STAM: variants seen among roughly 807,000 people sequenced by gnomAD.
STAM encodes signal transducing adapter molecule 1.
A neutral mutation model predicts 63.4 loss-of-function variants in STAM; 16 were observed. That is an observed-to-expected ratio of 0.25 (90% CI 0.17 to 0.38). STAM has a LOEUF of 0.38. Among genes scored for constraint, STAM ranks in the 10% least tolerant of loss-of-function variants. The pLI, the probability that STAM is intolerant of heterozygous loss-of-function variation, is 1.00. For missense variants in STAM, 636 were observed against 657.1 expected (o/e 0.97, Z 0.35); for synonymous variants, 238 against 223.9 (o/e 1.06, Z -0.56).
chr10:17,658,097 A>C (rs1265319898), intron 1 of STAM, among the ~76,000 whole-genome samples: 1 of 152,090 alleles, frequency 6.6e-6, no homozygotes, highest in African/African-American at 2.4e-5. Context: ...TATGTATTCA[A>C]TGCTATAAAT....
intron 4 of STAM, among the ~76,000 whole-genome samples, chr10:17,685,383 A>G (rs1319590985): frequency 2.0e-5 from 3 of 152,122 alleles, no homozygotes; most frequent in African/African-American, 7.2e-5. Flanking sequence ...TACTGGCTGA[A>G]CCCACAGCTG....
chr10:17,709,854 C>T (rs1215340064), intron 13 of STAM, among the ~76,000 whole-genome samples: 27 of 148,374 alleles, frequency 1.8e-4, no homozygotes, highest in African/African-American at 6.0e-4. Context: ...TCTAGTATCC[C>T]GAAGTGACCT....
intron 1 of STAM, 53 bp downstream of exon 1, chr10:17,644,432 C>T: frequency 2.5e-6 from 4 of 1,605,424 alleles, no homozygotes; most frequent in Non-Finnish European, 3.4e-6. Flanking sequence ...CACGCTCACT[C>T]TGCCAGCCCC....
rs144845489 is a variant in STAM, at chr10:17,698,865, A to G, written c.824-1326A>G. The stretch of plus-strand genomic sequence containing the variant: ...GTAATGGCCAATGCAGTGCTATCCC[A>G]GCTTTCTACTTGTAATAGCTCAAGA... On this transcript the variant is annotated intron_variant, in intron 8 of 13. Coordinates refer to ENST00000377524, the MANE Select transcript of STAM (RefSeq NM_003473.4). 7.4e-3 allele frequency among the ~76,000 whole-genome samples: 1,126 copies of G among 152,322 alleles called. 11 individuals carry two copies. The highest frequency in any genetic ancestry group is 0.026 in the African/African-American group (1,070 of 41,576).
rs3832661 is a variant in STAM at position 17,714,959 on chromosome 10, T to TC, written c.*187dup. ...TTTACACTGACTTTTTAGAGGTTCT[T>TC]CCCCCCCCGCCCCTGCAGAGGAATG... is the stretch of plus-strand genomic sequence containing the variant. On this transcript the variant is annotated 3_prime_UTR_variant, in exon 14 of 14. Coordinates refer to ENST00000377524, the MANE Select transcript of STAM (RefSeq NM_003473.4). 687 of 593,870 alleles carry TC rather than the reference T, an allele frequency of 1.2e-3. 2 individuals are homozygous for TC. The highest frequency in any genetic ancestry group is 3.8e-3 in the Middle Eastern group (8 of 2,132). The allele number at this position is 593,870 out of a possible 1,614,324, so 36.8% of individuals were successfully genotyped here. A position where few individuals can be genotyped will look rare whatever the true frequency, so the allele number is the denominator to read the frequency against.
At chr10:17,668,491 G>GTCAA (rs1834491678) in intron 2 of STAM, among the ~76,000 whole-genome samples, 1 of 152,100 alleles carries the variant, frequency 6.6e-6, no homozygotes, top group African/African-American at 2.4e-5. Flanking sequence ...TTTTGTACAG[G>GTCAA]TCAATGGGTT....
In STAM at chr10:17,708,890, G is replaced by A. The variant is rs1836424975; in HGVS notation, c.1324G>A (p.Val442Met). 4 of 1,614,184 alleles carry A rather than the reference G, an allele frequency of 2.5e-6. 1 individual carries two copies. The East Asian group carries it at 8.9e-5, about 36-fold the overall frequency. ...GCAGCTGTCTTCTCTCAGCCAGGCA[G>A]TGGTCCCACCATCCGCAAACCCAGC... is the stretch of plus-strand genomic sequence containing the variant. ...PEQLSSLSQAVVPPSANPALP... is the reference protein window; with the variant it reads ...PEQLSSLSQAMVPPSANPALP... The change falls in exon 13 of 14, where the codon GTG (valine) becomes ATG (methionine). Residue 442 changes from valine (V) to methionine (M), a missense_variant. Val to Met is a conservative substitution (Grantham distance 21). Around this residue, in one of 3 missense-constraint regions of STAM, gnomAD observed 532 missense variants for 536.9 expected, o/e 0.99. Coordinates refer to ENST00000377524, the MANE Select transcript of STAM (RefSeq NM_003473.4).
intron 4 of STAM, 72 bp from the exon 5 acceptor site, chr10:17,687,955 C>A: frequency 7.9e-7 from 1 of 1,272,166 alleles, no homozygotes. Flanking sequence ...AATAACTTTA[C>A]TATTTAAAAT....
chr10:17,713,442 G>A (rs1475262921), intron 13 of STAM, among the ~76,000 whole-genome samples: 7 of 152,072 alleles, frequency 4.6e-5, no homozygotes, highest in African/African-American at 1.7e-4. Context: ...CATTCTCTTT[G>A]CTTGCCAGTT....
intron 2 of STAM, among the ~76,000 whole-genome samples, chr10:17,673,774 T>G (rs1306893667): frequency 6.6e-6 from 1 of 152,244 alleles, no homozygotes; most frequent in Non-Finnish European, 1.5e-5. Context: ...CTTGTGAGGT[T>G]CTCAGCACAG....
chr10:17,670,330 A>G (rs782772445), intron 2 of STAM, among the ~76,000 whole-genome samples: 1 of 152,312 alleles, frequency 6.6e-6, no homozygotes, highest in African/African-American at 2.4e-5. Context: ...CAGATGAGAA[A>G]ACTAAAGCCC....
intron 5 of STAM, among the ~76,000 whole-genome samples, chr10:17,689,100 T>A (rs1244265981): frequency 6.6e-6 from 1 of 152,206 alleles, no homozygotes; most frequent in African/African-American, 2.4e-5. Context: ...CCAAAAAAAT[T>A]CAGTCTCTAA....
intron 4 of STAM, among the ~76,000 whole-genome samples, chr10:17,685,182 A>T (rs1338201576): frequency 1.3e-5 from 2 of 152,192 alleles, no homozygotes; most frequent in Non-Finnish European, 2.9e-5. Context: ...TGATAAGAAA[A>T]CAGGTATTTC....
chr10:17,683,358 C>T (rs2131629160), intron 2 of STAM, among the ~76,000 whole-genome samples: 1 of 152,174 alleles, frequency 6.6e-6, no homozygotes, highest in East Asian at 1.9e-4. Context: ...GATAGGGTTT[C>T]ACAGTGTTGC....
chr10:17,699,669 G>A (rs908531581), intron 8 of STAM, among the ~76,000 whole-genome samples: 2 of 152,216 alleles, frequency 1.3e-5, no homozygotes, highest in African/African-American at 4.8e-5. Context: ...CCACTGGCAT[G>A]GACGGCGCTC....
At position 17,708,921 on chromosome 10, in the gene STAM, C is replaced by CT. The variant is rs782094693; in HGVS notation, c.1356dup (p.Ser453Ter). The stretch of plus-strand genomic sequence containing the variant: ...CCACCATCCGCAAACCCAGCCCTTC[C>CT]TAGTCAGCAGACTCAGGCCGCTTAC... On this transcript the variant is annotated frameshift_variant, in exon 13 of 14. Coordinates refer to ENST00000377524, the MANE Select transcript of STAM (RefSeq NM_003473.4). LOFTEE classifies it high-confidence loss of function. 1 of 1,614,098 alleles carries CT rather than the reference C, an allele frequency of 6.2e-7. No individual in the cohort carries two copies. The highest frequency in any genetic ancestry group is 1.7e-5 in the Admixed American group (1 of 60,018).
rs59585445 is a variant in STAM, at chr10:17,706,369, C to CTTTTTTT, written c.1209+649_1209+655dup. Among the ~76,000 whole-genome samples, 7 of 70,186 alleles carry CTTTTTTT rather than the reference C, an allele frequency of 1.0e-4. 1 individual carries two copies. Among genetic ancestry groups the CTTTTTTT allele is most frequent in the Non-Finnish European group, 1.7e-4 (7 of 40,972 alleles). 46.0% of individuals were successfully genotyped at this position (70,186 alleles called of 152,430 possible). On this transcript the variant is annotated intron_variant, in intron 12 of 13. Transcript: ENST00000377524. ...AATCAGAATCCTCAGGGTTGAGGCC[C>CTTTTTTT]TTTTTTTTTTTTTTTTTTTTTTTTT...
chr10:17,671,006 C>T (rs187645481), intron 2 of STAM, among the ~76,000 whole-genome samples: 1 of 152,282 alleles, frequency 6.6e-6, no homozygotes, highest in East Asian at 1.9e-4. Context: ...GACATGCCTT[C>T]ATGCTTATGA....
intron 4 of STAM, among the ~76,000 whole-genome samples, chr10:17,687,332 G>C (rs1478012807): frequency 6.6e-6 from 1 of 152,114 alleles, no homozygotes; most frequent in African/African-American, 2.4e-5. Flanking sequence ...AAAATTAGCT[G>C]GGCATGGTGG....
Sources: allele counts gnomAD v4.1 joint callset (sites outside exome capture counted in the v4.1 genomes callset), GRCh38; gene constraint gnomAD v4.1.1; regional missense constraint gnomAD v4.1.1; transcripts MANE v1.5; gene names NCBI Gene and HGNC (gene_info 2026-07-23, HGNC 2026-07-21).